The following NXPE4 variants were observed in gnomAD, a reference collection of about 807,000 sequenced individuals.
The protein encoded by NXPE4 is NXPE family member 4.
In NXPE4, 42 loss-of-function variants were observed where a neutral mutation model predicts 33.3. The observed-to-expected ratio is 1.26, with a 90% CI of 0.98 to 1.63. The LOEUF is 1.63. Ranked by LOEUF, NXPE4 falls within the 40% of genes most tolerant of loss-of-function variation. The pLI, the probability that NXPE4 is intolerant of heterozygous loss-of-function variation, is 0.00. For synonymous variants in NXPE4, 253 were observed against 234.9 expected, an observed-to-expected ratio of 1.08 and a Z score of -0.71; for missense variants, 709 against 647.6, an observed-to-expected ratio of 1.09 and a Z score of -1.03.
At chr11:114,609,348 T>A in the NXPE4 span, among the ~76,000 whole-genome samples, 185 of 151,722 alleles carry the variant, frequency 1.2e-3, no homozygotes, top group African/African-American at 4.2e-3. Flanking sequence ...TAATAAGTAA[T>A]GTCTCATTGG....
At chr11:114,580,633 A>G (rs641956) in intron 4 of NXPE4, among the ~76,000 whole-genome samples, 41,352 of 152,066 alleles carry the variant, frequency 0.27, 5,731 homozygotes, top group East Asian at 0.4. Flanking sequence ...CTTTTCTATG[A>G]AACTAAAGTC....
the NXPE4 span, among the ~76,000 whole-genome samples, chr11:114,668,739 G>T: frequency 6.6e-6 from 1 of 152,072 alleles, no homozygotes; most frequent in African/African-American, 2.4e-5. Context: ...TTAATCTTTA[G>T]TGAATATTGT....
chr11:114,615,708 T>C, the NXPE4 span, among the ~76,000 whole-genome samples: 5 of 149,110 alleles, frequency 3.4e-5, no homozygotes, highest in African/African-American at 1.3e-4. Flanking sequence ...CTGTTATCCA[T>C]TGGATAATAA....
chr11:114,601,007 A>G, the NXPE4 span, among the ~76,000 whole-genome samples: 1 of 152,056 alleles, frequency 6.6e-6, no homozygotes, highest in Non-Finnish European at 1.5e-5. Flanking sequence ...GAACAGGTTG[A>G]TGCTGCCACT....
At chr11:114,640,154 TTAA>T in the NXPE4 span, among the ~76,000 whole-genome samples, 9 of 75,052 alleles carry the variant, frequency 1.2e-4, no homozygotes, top group Non-Finnish European at 1.9e-4. Flanking sequence ...ATATGATATA[TTAA>T]TAATATATAT....
the NXPE4 span, among the ~76,000 whole-genome samples, chr11:114,632,928 T>C: frequency 1.0e-5 from 1 of 96,592 alleles, no homozygotes; most frequent in Non-Finnish European, 1.8e-5. Flanking sequence ...TATATAATTA[T>C]ATAATAATAT....
chr11:114,591,254 T>C (rs546346582), intron 2 of NXPE4, among the ~76,000 whole-genome samples: 1 of 152,206 alleles, frequency 6.6e-6, no homozygotes, highest in Non-Finnish European at 1.5e-5. Flanking sequence ...AAGGGAAAGG[T>C]AGCTAACATT....
At chr11:114,591,917 T>C (rs1050145644) in intron 2 of NXPE4, among the ~76,000 whole-genome samples, 1 of 152,144 alleles carries the variant, frequency 6.6e-6, no homozygotes, top group Admixed American at 6.5e-5. Context: ...TGGCCCCTTC[T>C]CATTCAACAA....
chr11:114,586,514 CAG>C (rs1395271147), intron 2 of NXPE4, among the ~76,000 whole-genome samples: 2 of 152,210 alleles, frequency 1.3e-5, no homozygotes, highest in Non-Finnish European at 2.9e-5. Context: ...TTACAAGACT[CAG>C]GGGACAGGCT....
the NXPE4 span, among the ~76,000 whole-genome samples, chr11:114,627,496 C>T: frequency 6.6e-6 from 1 of 150,596 alleles, no homozygotes; most frequent in Admixed American, 6.6e-5. Context: ...ACCAGGTCTG[C>T]CCTAAAAGAG....
chr11:114,618,232 A>G, the NXPE4 span, among the ~76,000 whole-genome samples: 137 of 152,080 alleles, frequency 9.0e-4, 2 homozygotes, highest in African/African-American at 3.1e-3. Flanking sequence ...GGAGGATAAT[A>G]AGGATTGTCT....
the NXPE4 span, among the ~76,000 whole-genome samples, chr11:114,642,367 G>T: frequency 2.0e-5 from 3 of 151,928 alleles, no homozygotes; most frequent in African/African-American, 7.2e-5. Flanking sequence ...GTGGTTTGCT[G>T]CACTCATCAT....
chr11:114,627,924 G>C, the NXPE4 span, among the ~76,000 whole-genome samples: 3 of 151,800 alleles, frequency 2.0e-5, no homozygotes, highest in South Asian at 6.3e-4. Context: ...AGACAAAGAA[G>C]GCCATTATTT....
intron 2 of NXPE4, chr11:114,584,512 TC>T (rs1479333042): frequency 5.6e-6 from 1 of 177,006 alleles, no homozygotes; most frequent in African/African-American, 2.4e-5. Context: ...GAGGAAGAGT[TC>T]TTCGACTCTG....
At chr11:114,667,149 C>T in the NXPE4 span, among the ~76,000 whole-genome samples, 2 of 152,200 alleles carry the variant, frequency 1.3e-5, no homozygotes, top group Non-Finnish European at 2.9e-5. Context: ...AAGATATTTA[C>T]GTGAAGATCC....
At chr11:114,616,229 C>A in the NXPE4 span, among the ~76,000 whole-genome samples, 6 of 151,290 alleles carry the variant, frequency 4.0e-5, no homozygotes, top group Admixed American at 1.3e-4. Flanking sequence ...ATAAGTATTG[C>A]CTCACTGGTA....
At chr11:114,635,274 T>G in the NXPE4 span, among the ~76,000 whole-genome samples, 1 of 149,956 alleles carries the variant, frequency 6.7e-6, no homozygotes, top group Non-Finnish European at 1.5e-5. Context: ...TTGTCTGTTG[T>G]TGGTGTATAA....
At chr11:114,577,006 A>C (rs1386823500) in intron 5 of NXPE4, among the ~76,000 whole-genome samples, 3 of 34,210 alleles carry the variant, frequency 8.8e-5, no homozygotes, top group African/African-American at 3.7e-4. Flanking sequence ...TATATATATA[A>C]AGTTATATAT....
intron 1 of NXPE4, 43 bp from the exon 2 acceptor site, chr11:114,594,812 A>G: frequency 2.0e-6 from 2 of 999,718 alleles, no homozygotes; most frequent in Non-Finnish European, 3.0e-6. Context: ...ACATACAACA[A>G]AACAGAAAAG....
Sources: gnomAD v4.1 joint callset for allele counts (sites outside exome capture counted in the v4.1 genomes callset) on GRCh38, gnomAD v4.1.1 for gene constraint, MANE v1.5 for transcripts, NCBI Gene and HGNC (gene_info 2026-07-23, HGNC 2026-07-21) for gene names.